ARHGAP15: variants seen among roughly 807,000 people sequenced by gnomAD.
ARHGAP15 encodes Rho GTPase activating protein 15.
A neutral mutation model predicts 63.7 loss-of-function variants in ARHGAP15; 51 were observed. The ratio of observed to expected loss-of-function variants is 0.80; its 90% CI spans 0.64 to 1.01. The LOEUF is 1.01. Ranked by LOEUF, ARHGAP15 falls within the 50% of genes least tolerant of loss-of-function variation. The pLI, the probability that ARHGAP15 is intolerant of heterozygous loss-of-function variation, is 0.00. For missense variants in ARHGAP15, 560 were observed against 564.6 expected, an observed-to-expected ratio of 0.99 and a Z score of 0.08; for synonymous variants, 191 against 193.8, an observed-to-expected ratio of 0.99 and a Z score of 0.12.
At chr2:143,170,596 G>A (rs1310334267) in intron 2 of ARHGAP15, among the ~76,000 whole-genome samples, 1 of 152,062 alleles carries the variant, frequency 6.6e-6, no homozygotes, top group Non-Finnish European at 1.5e-5. Context: ...CATGTTCAAT[G>A]TGGCTAAGAG....
intron 6 of ARHGAP15, among the ~76,000 whole-genome samples, chr2:143,262,894 G>T (rs1224101491): frequency 6.6e-6 from 1 of 152,088 alleles, no homozygotes; most frequent in Non-Finnish European, 1.5e-5. Flanking sequence ...AGCCAAAGTT[G>T]CAAAACCCAG....
At chr2:143,235,164 T>C (rs1009907244) in intron 5 of ARHGAP15, among the ~76,000 whole-genome samples, 4 of 151,984 alleles carry the variant, frequency 2.6e-5, no homozygotes, top group Non-Finnish European at 5.9e-5. Context: ...CATAGAGATA[T>C]AATCAAGATA....
At chr2:143,740,746 G>C (rs1685931753) in intron 13 of ARHGAP15, among the ~76,000 whole-genome samples, 1 of 152,066 alleles carries the variant, frequency 6.6e-6, no homozygotes, top group Admixed American at 6.6e-5. Context: ...GAGCTATTTA[G>C]TGCCTTAAAA....
At chr2:143,461,281 CAAAA>C (rs70982868) in intron 8 of ARHGAP15, among the ~76,000 whole-genome samples, 2 of 55,054 alleles carry the variant, frequency 3.6e-5, no homozygotes, top group Non-Finnish European at 6.1e-5. Context: ...CTCTGTCTCT[CAAAA>C]AAAAAAAAAA....
chr2:143,552,076 T>A (rs1444875105), intron 10 of ARHGAP15, among the ~76,000 whole-genome samples: 2 of 152,148 alleles, frequency 1.3e-5, no homozygotes, highest in Non-Finnish European at 2.9e-5. Flanking sequence ...AGCCAGAAGT[T>A]CAAAGTATTG....
intron 6 of ARHGAP15, among the ~76,000 whole-genome samples, chr2:143,346,220 T>TCA (rs1553467292): frequency 3.0e-4 from 38 of 125,012 alleles, no homozygotes; most frequent in African/African-American, 4.5e-4. Context: ...ACACTCTCTC[T>TCA]CACACACACT....
chr2:143,184,799 G>C (rs967835177), intron 2 of ARHGAP15, among the ~76,000 whole-genome samples: 1 of 151,836 alleles, frequency 6.6e-6, no homozygotes, highest in Non-Finnish European at 1.5e-5. Flanking sequence ...CTCTTGCCTT[G>C]AGGTAGGCAG....
intron 13 of ARHGAP15, among the ~76,000 whole-genome samples, chr2:143,735,969 C>A (rs1160148134): frequency 2.0e-5 from 3 of 152,172 alleles, no homozygotes; most frequent in Non-Finnish European, 4.4e-5. Flanking sequence ...TGAAGAATAT[C>A]AAAGTACTAT....
chr2:143,290,845 A>G (rs2105116902), intron 6 of ARHGAP15, among the ~76,000 whole-genome samples: 1 of 152,310 alleles, frequency 6.6e-6, no homozygotes, highest in South Asian at 2.1e-4. Context: ...CAGATTACTC[A>G]CTTCTCAAGT....
chr2:143,410,768 G>T (rs991378449), intron 6 of ARHGAP15, among the ~76,000 whole-genome samples: 1 of 150,702 alleles, frequency 6.6e-6, no homozygotes, highest in East Asian at 1.9e-4. Context: ...GCCAGAGAAG[G>T]CCTCAGAAAG....
intron 11 of ARHGAP15, among the ~76,000 whole-genome samples, chr2:143,598,790 G>A (rs1306850962): frequency 1.3e-5 from 2 of 152,026 alleles, no homozygotes; most frequent in Non-Finnish European, 2.9e-5. Flanking sequence ...CATGGTGTAC[G>A]CCTTCAGTCC....
rs577943611 is a variant in ARHGAP15, at chr2:143,732,107, A to C, written c.1244+28583A>C. Among the ~76,000 whole-genome samples, 3 of 152,196 alleles carry C rather than the reference A, an allele frequency of 2.0e-5. No homozygotes were observed. In the South Asian group the frequency reaches 6.2e-4, roughly 31 times the overall value. ...GATTTGGAACCTGTTCCTTTCACCAATTTGACTTGCAAAAGGGAAAATAAT... is the reference window on the plus strand; with the variant it reads ...GATTTGGAACCTGTTCCTTTCACCACTTTGACTTGCAAAAGGGAAAATAAT... On this transcript the variant is annotated intron_variant, in intron 13 of 13. Coordinates refer to ENST00000295095, the MANE Select transcript of ARHGAP15 (RefSeq NM_018460.4).
intron 6 of ARHGAP15, among the ~76,000 whole-genome samples, chr2:143,279,304 TAGAGA>T (rs952426471): frequency 4.6e-5 from 7 of 152,158 alleles, no homozygotes; most frequent in African/African-American, 1.7e-4. Context: ...TAGTTGTACT[TAGAGA>T]AAAGATTTTC....
chr2:143,310,058 T>C (rs1683366311), intron 6 of ARHGAP15, among the ~76,000 whole-genome samples: 1 of 152,046 alleles, frequency 6.6e-6, no homozygotes, highest in South Asian at 2.1e-4. Context: ...ATTTTGAAAA[T>C]AGCATGAATA....
At chr2:143,284,762 A>G (rs1269927043) in intron 6 of ARHGAP15, among the ~76,000 whole-genome samples, 1 of 152,188 alleles carries the variant, frequency 6.6e-6, no homozygotes, top group African/African-American at 2.4e-5. Context: ...TCAAACATCC[A>G]GAAACTACAA....
At chr2:143,419,016 G>A (rs911098153) in intron 6 of ARHGAP15, among the ~76,000 whole-genome samples, 2 of 152,056 alleles carry the variant, frequency 1.3e-5, no homozygotes, top group South Asian at 4.1e-4. Context: ...CATTAAAAGT[G>A]CCATTCAAAA....
At chr2:143,213,089 A>G (rs1692618463) in intron 3 of ARHGAP15, among the ~76,000 whole-genome samples, 2 of 152,236 alleles carry the variant, frequency 1.3e-5, no homozygotes, top group African/African-American at 4.8e-5. Context: ...TTAAGCCTCA[A>G]GAGGATTACA....
At chr2:143,290,791 G>A (rs984814816) in intron 6 of ARHGAP15, among the ~76,000 whole-genome samples, 1 of 152,066 alleles carries the variant, frequency 6.6e-6, no homozygotes, top group African/African-American at 2.4e-5. Flanking sequence ...GGCTGGAATG[G>A]GTTAGGCTGA....
At chr2:143,710,399 A>G (rs2105439408) in intron 13 of ARHGAP15, among the ~76,000 whole-genome samples, 1 of 152,300 alleles carries the variant, frequency 6.6e-6, no homozygotes, top group Admixed American at 6.5e-5. Flanking sequence ...AACTCCCCAT[A>G]GTAATCATTA....
Sources: gnomAD v4.1 joint callset for allele counts (sites outside exome capture counted in the v4.1 genomes callset) on GRCh38, gnomAD v4.1.1 for gene constraint, MANE v1.5 for transcripts, NCBI Gene and HGNC (gene_info 2026-07-23, HGNC 2026-07-21) for gene names.